FGD4: variants seen among roughly 807,000 people sequenced by gnomAD.
FGD4 encodes the protein FYVE, RhoGEF and PH domain containing 4.
In FGD4, 42 loss-of-function variants were observed where a neutral mutation model predicts 102.0. The ratio of observed to expected loss-of-function variants is 0.41; its 90% confidence interval spans 0.32 to 0.53. The LOEUF is 0.53. Among genes scored for constraint, FGD4 ranks in the 20% least tolerant of loss-of-function variants. The pLI, the probability that FGD4 is intolerant of heterozygous loss-of-function variation, is 0.21. For missense variants in FGD4, 902 were observed against 1,078.2 expected, an observed-to-expected ratio of 0.84 and a Z score of 2.29; for synonymous variants, 380 against 375.7, an observed-to-expected ratio of 1.01 and a Z score of -0.13.
rs184379408 is a variant in FGD4 at position 32,457,131 on chromosome 12, G to A, written c.166+57172G>A. ...AAGCAGAATAAGGCTTCTATCCTCA[G>A]TTTTTTATTTATTTCTACATTATGT... On this transcript the variant is annotated intron_variant, in intron 1 of 16. Coordinates refer to ENST00000534526, the MANE Select transcript of FGD4 (RefSeq NM_001370298.3). 3.4e-3 allele frequency among the ~76,000 whole-genome samples: 520 copies of A among 152,210 alleles called. 2 individuals are homozygous for A. The highest frequency in any genetic ancestry group is 5.2e-3 in the Non-Finnish European group (356 of 68,002).
chr12:32,615,447 T>C (rs1949389663), intron 10 of FGD4, among the ~76,000 whole-genome samples: 1 of 152,178 alleles, frequency 6.6e-6, no homozygotes, highest in South Asian at 2.1e-4. Flanking sequence ...TTATGGTATG[T>C]GAATATCTTC....
At chr12:32,416,858 A>G (rs1164064881) in intron 1 of FGD4, among the ~76,000 whole-genome samples, 1 of 150,914 alleles carries the variant, frequency 6.6e-6, no homozygotes, top group African/African-American at 2.4e-5. Flanking sequence ...GTACCTTCAG[A>G]TGATTTCTTA....
At chr12:32,444,021 CTTTTTTTTT>C (rs67353121) in intron 1 of FGD4, among the ~76,000 whole-genome samples, 1 of 119,120 alleles carries the variant, frequency 8.4e-6, no homozygotes, top group Non-Finnish European at 1.9e-5. Context: ...ACTTTGTTTT[CTTTTTTTTT>C]TTTTTTTTTT....
intron 1 of FGD4, among the ~76,000 whole-genome samples, chr12:32,533,195 G>A (rs762723812): frequency 2.8e-4 from 43 of 152,202 alleles, no homozygotes; most frequent in Non-Finnish European, 6.0e-4. Context: ...TGTTAGAAAT[G>A]CAAATTATGT....
chr12:32,633,550 T>TGGTTTGTTGGAAATGCTCC lies in FGD4; in HGVS notation c.2176_2194dup (p.Asp732GlyfsTer13). 2 of 1,613,150 alleles carry TGGTTTGTTGGAAATGCTCC rather than the reference T, an allele frequency of 1.2e-6. No homozygotes were observed. Among genetic ancestry groups the TGGTTTGTTGGAAATGCTCC allele is most frequent in the Non-Finnish European group, 1.7e-6 (2 of 1,179,436 alleles). The stretch of plus-strand genomic sequence containing the variant: ...GTTCATTTTTCTTTTAAATTTAAGG[T>TGGTTTGTTGGAAATGCTCC]GGTTTGTTGGAAATGCTCCGACTAC... On this transcript the variant is annotated frameshift_variant and splice_region_variant, in exon 15 of 17. Transcript: ENST00000534526. LOFTEE classifies it high-confidence loss of function.
At chr12:32,441,975 T>C (rs1364068675) in intron 1 of FGD4, among the ~76,000 whole-genome samples, 4 of 151,980 alleles carry the variant, frequency 2.6e-5, no homozygotes, top group Non-Finnish European at 5.9e-5. Context: ...CCAGAGATGC[T>C]CTTCACGCCA....
chr12:32,607,526 T>G (rs1405413405), intron 7 of FGD4, among the ~76,000 whole-genome samples: 1 of 151,948 alleles, frequency 6.6e-6, no homozygotes, highest in Non-Finnish European at 1.5e-5. Context: ...GTTGTTGTTG[T>G]TTTTTTTGAG....
At chr12:32,632,173 T>C (rs1015650062) in intron 14 of FGD4, among the ~76,000 whole-genome samples, 5 of 152,222 alleles carry the variant, frequency 3.3e-5, no homozygotes, top group African/African-American at 4.8e-5. Context: ...AAGAAGATAA[T>C]GTGTTAAACT....
intron 1 of FGD4, among the ~76,000 whole-genome samples, chr12:32,462,182 A>G (rs1041327769): frequency 1.3e-5 from 2 of 152,100 alleles, no homozygotes; most frequent in African/African-American, 2.4e-5. Flanking sequence ...CTTAAGTGCC[A>G]TCACAGCTTG....
chr12:32,607,810 G>A, intron 7 of FGD4, 147 bp from the exon 8 acceptor site: 3 of 821,142 alleles, frequency 3.7e-6, no homozygotes, highest in South Asian at 3.1e-5. Context: ...CACTGTGCCT[G>A]GCCAGAAATC....
chr12:32,583,671 GAA>G (rs1206660917), intron 4 of FGD4, among the ~76,000 whole-genome samples: 4 of 152,014 alleles, frequency 2.6e-5, no homozygotes, highest in Non-Finnish European at 5.9e-5. Flanking sequence ...TGTCAGCTAA[GAA>G]AGAGCTGATT....
At chr12:32,525,886 C>T (rs2136780415) in intron 1 of FGD4, among the ~76,000 whole-genome samples, 1 of 152,388 alleles carries the variant, frequency 6.6e-6, no homozygotes, top group Middle Eastern at 3.4e-3. Flanking sequence ...CTCGATTTCT[C>T]ACCGGGCCTT....
rs935604387 is a variant in FGD4, at chr12:32,427,028, AT to A, written c.166+27079del. On this transcript the variant is annotated intron_variant, in intron 1 of 16. Transcript: ENST00000534526. Reference sequence around the variant, plus strand: ...AAAAAACCAGCTCCTGGATTTATTGATTTTTTTTTTCATGGTTTTTTGTTTC... The same window carrying A: ...AAAAAACCAGCTCCTGGATTTATTGATTTTTTTTTCATGGTTTTTTGTTTC... Among the ~76,000 whole-genome samples, 115 of 141,398 alleles carry A rather than the reference AT, an allele frequency of 8.1e-4. 2 individuals carry two copies. The highest frequency in any genetic ancestry group is 5.7e-4 in the African/African-American group (22 of 38,284). 92.8% of individuals were successfully genotyped at this position (141,398 alleles called of 152,430 possible).
intron 1 of FGD4, among the ~76,000 whole-genome samples, chr12:32,525,593 C>A (rs1011255370): frequency 1.3e-5 from 2 of 152,230 alleles, no homozygotes; most frequent in Non-Finnish European, 2.9e-5. Context: ...TCCCTTCAGT[C>A]CCCCACTGCA....
chr12:32,593,933 G>A (rs1402546942), intron 4 of FGD4, among the ~76,000 whole-genome samples: 1 of 152,146 alleles, frequency 6.6e-6, no homozygotes. Context: ...ACAGAAACAA[G>A]ACTAAGAAGG....
At chr12:32,629,206 T>A (rs1950352258) in intron 14 of FGD4, among the ~76,000 whole-genome samples, 1 of 152,146 alleles carries the variant, frequency 6.6e-6, no homozygotes, top group Non-Finnish European at 1.5e-5. Context: ...GGGAATTGGT[T>A]CAATGAAGAA....
At chr12:32,505,534 T>G (rs1457549052) in intron 1 of FGD4, among the ~76,000 whole-genome samples, 1 of 152,210 alleles carries the variant, frequency 6.6e-6, no homozygotes, top group East Asian at 1.9e-4. Context: ...AAGGCAAACT[T>G]TTCATAAATT....
At chr12:32,443,560 G>T (rs1207143208) in intron 1 of FGD4, among the ~76,000 whole-genome samples, 1 of 142,422 alleles carries the variant, frequency 7.0e-6, no homozygotes, top group South Asian at 2.3e-4. Flanking sequence ...TTTTTTTGAG[G>T]CAGGGTCTTA....
intron 10 of FGD4, among the ~76,000 whole-genome samples, chr12:32,615,360 G>A (rs545417565): frequency 1.3e-5 from 2 of 152,228 alleles, no homozygotes; most frequent in African/African-American, 4.8e-5. Context: ...GACATAAAAT[G>A]TTCTGGAATT....
Sources: allele counts gnomAD v4.1 joint callset (sites outside exome capture counted in the v4.1 genomes callset), GRCh38; gene constraint gnomAD v4.1.1; transcripts MANE v1.5; gene names NCBI Gene and HGNC (gene_info 2026-07-23, HGNC 2026-07-21).